CDKN2B-AS1: variants seen among roughly 807,000 people sequenced by gnomAD.
CDKN2B-AS1 encodes the protein CDKN2B and CDKN2A antisense cis and trans regulatory RNA 1.
At chr9:22,028,064 G>T (rs887192649) in intron 1 of CDKN2B-AS1, among the ~76,000 whole-genome samples, 1 of 152,014 alleles carries the variant, frequency 6.6e-6, no homozygotes, top group African/African-American at 2.4e-5. Flanking sequence ...ATAGAGACTT[G>T]TCTGACAAAT....
chr9:22,053,876 G>A lies in CDKN2B-AS1; in HGVS notation n.303-2376G>A, dbSNP rs538972274. 5.9e-5 allele frequency among the ~76,000 whole-genome samples: 9 copies of A among 152,096 alleles called. 1 individual carries two copies. Among genetic ancestry groups the A allele is most frequent in the African/African-American group, 2.2e-4 (9 of 41,480 alleles). On this transcript the variant is annotated intron_variant and non_coding_transcript_variant, in intron 3 of 4. Coordinates refer to ENST00000650946, the Ensembl canonical transcript of CDKN2B-AS1. ...TACAGCCATCGAAGGAAAAAATAAG[G>A]ATTTTTACTTAGGACATACGTAACA...
chr9:22,031,897 G>T (rs944505063), intron 1 of CDKN2B-AS1, among the ~76,000 whole-genome samples: 1 of 152,184 alleles, frequency 6.6e-6, no homozygotes, highest in African/African-American at 2.4e-5. Context: ...ACAGAAGAGA[G>T]GCTCACATGG....
chr9:22,057,556 C>G (rs1823623890), intron 4 of CDKN2B-AS1, among the ~76,000 whole-genome samples: 1 of 152,168 alleles, frequency 6.6e-6, no homozygotes, highest in Non-Finnish European at 1.5e-5. Context: ...CACCTGTAAT[C>G]CCAGCACTTT....
rs528202976 is a variant in CDKN2B-AS1 at position 22,097,855 on chromosome 9, A to G, written n.439-29248A>G. On this transcript the variant is annotated intron_variant and non_coding_transcript_variant, in intron 4 of 4. Transcript: ENST00000650946. Reference sequence around the variant, plus strand: ...TTTCAGCCCTGTTGCAATTTCTTTGACCCTGGCCTGATATAAAAGGCAAAC... The same window carrying G: ...TTTCAGCCCTGTTGCAATTTCTTTGGCCCTGGCCTGATATAAAAGGCAAAC... 3.3e-5 allele frequency among the ~76,000 whole-genome samples: 5 copies of G among 152,200 alleles called. No individual in the cohort carries two copies. In the South Asian group the frequency reaches 1.0e-3, roughly 32 times the overall value.
chr9:22,021,038 A>C (rs1257432765), intron 1 of CDKN2B-AS1, among the ~76,000 whole-genome samples: 1 of 151,992 alleles, frequency 6.6e-6, no homozygotes, highest in Non-Finnish European at 1.5e-5. Context: ...CTCTATCTTG[A>C]GTTAAGTTTT....
chr9:22,097,694 G>A (rs6475607), intron 4 of CDKN2B-AS1, among the ~76,000 whole-genome samples: 13,914 of 152,152 alleles, frequency 0.091, 2,126 homozygotes, highest in African/African-American at 0.32. Flanking sequence ...GTGAAGGCTC[G>A]CTGGAAAACA....
At chr9:22,125,709 A>G (rs1466487649) in intron 4 of CDKN2B-AS1, among the ~76,000 whole-genome samples, 2 of 152,254 alleles carry the variant, frequency 1.3e-5, no homozygotes, top group Admixed American at 6.5e-5. Flanking sequence ...AGCTATGCTC[A>G]CAAATATATA....
chr9:22,046,207 T>G (rs1287617252), intron 1 of CDKN2B-AS1: 1 of 152,128 alleles, frequency 6.6e-6, no homozygotes, highest in Non-Finnish European at 1.5e-5. Context: ...AAAAATGCAG[T>G]GACTCCCATT....
intron 4 of CDKN2B-AS1, among the ~76,000 whole-genome samples, chr9:22,099,801 G>T (rs1825420349): frequency 6.6e-6 from 1 of 152,058 alleles, no homozygotes; most frequent in South Asian, 2.1e-4. Flanking sequence ...GTGGAAAAAA[G>T]GTGTGCATGG....
chr9:22,053,197 A>T (rs1049019907), intron 3 of CDKN2B-AS1, among the ~76,000 whole-genome samples: 2 of 152,178 alleles, frequency 1.3e-5, no homozygotes, highest in Non-Finnish European at 2.9e-5. Context: ...TTAATATGGG[A>T]CGGAGCTGGA....
chr9:22,086,031 C>T (rs920683155), intron 4 of CDKN2B-AS1, among the ~76,000 whole-genome samples: 3 of 152,016 alleles, frequency 2.0e-5, no homozygotes, highest in Admixed American at 1.3e-4. Context: ...AAGATTCAAA[C>T]TTCCAGAATT....
intron 4 of CDKN2B-AS1, among the ~76,000 whole-genome samples, chr9:22,081,909 T>G (rs1209367316): frequency 6.6e-6 from 1 of 151,888 alleles, no homozygotes; most frequent in Non-Finnish European, 1.5e-5. Context: ...TTCCCAGGAG[T>G]TTTTTTTACT....
chr9:22,014,761 C>A (rs1821666870), intron 1 of CDKN2B-AS1, among the ~76,000 whole-genome samples: 1 of 103,614 alleles, frequency 9.7e-6, no homozygotes, highest in African/African-American at 3.4e-5. Flanking sequence ...CCTCCCCCCT[C>A]CCCCCACCCC....
At chr9:22,018,846 A>C (rs959452451) in intron 1 of CDKN2B-AS1, among the ~76,000 whole-genome samples, 1 of 152,234 alleles carries the variant, frequency 6.6e-6, no homozygotes, top group Non-Finnish European at 1.5e-5. Context: ...AATAAATATC[A>C]TACACTATAT....
chr9:22,057,388 G>A (rs1823615539), intron 4 of CDKN2B-AS1, among the ~76,000 whole-genome samples: 1 of 152,120 alleles, frequency 6.6e-6, no homozygotes. Context: ...ATCTTCCAAA[G>A]CTCGTATTTT....
In CDKN2B-AS1 at chr9:22,006,755, C is replaced by CT. The variant is rs202025879; in HGVS notation, n.29+11604dup. Among the ~76,000 whole-genome samples, 757 of 148,134 alleles carry CT rather than the reference C, an allele frequency of 5.1e-3. 17 individuals carry two copies. In the East Asian group the frequency reaches 0.1, roughly 20 times the overall value. On this transcript the variant is annotated intron_variant and non_coding_transcript_variant, in intron 1 of 4. Transcript: ENST00000650946. The surrounding 1 kb of genome is among the most constrained non-coding windows in gnomAD (Gnocchi z 6.4). ...AATAAACAACTAAGTTTTTTTCTTT[C>CT]TTTTTTTTTTAATTTATTTAGTTCT...
intron 3 of CDKN2B-AS1, among the ~76,000 whole-genome samples, chr9:22,054,744 C>T (rs1200429149): frequency 7.1e-6 from 1 of 141,606 alleles, no homozygotes; most frequent in African/African-American, 2.6e-5. Context: ...ATTTTATAAG[C>T]CTTTTTATTT....
rs1172411361 is a variant in CDKN2B-AS1 at position 21,999,886 on chromosome 9, C to A, written n.29+4725C>A. On this transcript the variant is annotated intron_variant and non_coding_transcript_variant, in intron 1 of 4. Transcript: ENST00000650946. This position sits in a 1 kb window ranked among gnomAD's most constrained non-coding sequence, Gnocchi z 4.7. Reference sequence around the variant, plus strand: ...AGTGACAGAATAGTATGATCCCATTCATGTTTTCCAAATATGCATGCTGGG... The same window carrying A: ...AGTGACAGAATAGTATGATCCCATTAATGTTTTCCAAATATGCATGCTGGG... 1.3e-5 allele frequency among the ~76,000 whole-genome samples: 2 copies of A among 152,108 alleles called. No homozygotes were observed. The highest frequency in any genetic ancestry group is 1.3e-4 in the Admixed American group (2 of 15,274).
At chr9:22,037,847 T>C (rs760618425) in intron 1 of CDKN2B-AS1, among the ~76,000 whole-genome samples, 10 of 152,074 alleles carry the variant, frequency 6.6e-5, no homozygotes, top group Non-Finnish European at 1.3e-4. Context: ...ATTTTATCTG[T>C]TATGGTCACA....
Sources: allele counts gnomAD v4.1 joint callset (sites outside exome capture counted in the v4.1 genomes callset), GRCh38; gene constraint gnomAD v4.1.1; non-coding constraint Gnocchi (gnomAD v3.1); transcripts MANE v1.5; gene names NCBI Gene and HGNC (gene_info 2026-07-23, HGNC 2026-07-21).